The following FRMPD2 variants were observed in gnomAD, a reference collection of about 807,000 sequenced individuals.
FRMPD2 encodes FERM and PDZ domain containing 2, also known as FERM and PDZ domain-containing protein 2.
A neutral mutation model predicts 140.1 loss-of-function variants in FRMPD2; 96 were observed. That is an observed-to-expected ratio of 0.69 (90% CI 0.58 to 0.81). FRMPD2 has a LOEUF of 0.81. Ranked by LOEUF, FRMPD2 falls within the 40% of genes least tolerant of loss-of-function variation. The pLI is 0.00. For missense variants in FRMPD2, 1,240 were observed against 1,447.4 expected, an observed-to-expected ratio of 0.86 and a Z score of 2.32; for synonymous variants, 449 against 547.6, an observed-to-expected ratio of 0.82 and a Z score of 2.52.
rs372969763 is a variant in FRMPD2, at chr10:48,219,680, T to A, written c.1455+2633A>T. 8.5e-5 allele frequency among the ~76,000 whole-genome samples: 13 copies of A among 152,298 alleles called. No individual in the cohort carries two copies. The East Asian group carries it at 2.3e-3, about 27-fold the overall frequency. On this transcript the variant is annotated intron_variant, in intron 12 of 28. Transcript: ENST00000374201. ...TTGTGTCCCCATTTTAAATCATAAT[T>A]AGGTAGGTAAATACATTAGCATAAT...
intron 5 of FRMPD2, 128 bp from the exon 6 acceptor site, chr10:48,240,620 G>A (rs1332504218): frequency 1.6e-6 from 2 of 1,281,008 alleles, no homozygotes; most frequent in Non-Finnish European, 2.2e-6. Flanking sequence ...ACCTAAAGAT[G>A]TGTTCTCTGG....
chr10:48,228,017 A>G (rs1839765843), intron 10 of FRMPD2, among the ~76,000 whole-genome samples: 2 of 152,212 alleles, frequency 1.3e-5, no homozygotes, highest in Non-Finnish European at 2.9e-5. Flanking sequence ...TAACCTAAGA[A>G]TAAAACATAC....
intron 13 of FRMPD2, among the ~76,000 whole-genome samples, chr10:48,210,938 A>G (rs770349382): frequency 6.6e-6 from 1 of 152,262 alleles, no homozygotes; most frequent in Non-Finnish European, 1.5e-5. Context: ...CAAATGGCCC[A>G]GCTTGTATCC....
intron 13 of FRMPD2, among the ~76,000 whole-genome samples, chr10:48,207,716 G>C (rs1487018659): frequency 6.6e-6 from 1 of 152,122 alleles, no homozygotes; most frequent in Admixed American, 6.5e-5. Context: ...GTGTCTCTGG[G>C]ACCCACAGCA....
At chr10:48,248,010 T>C (rs10508900) in intron 3 of FRMPD2, among the ~76,000 whole-genome samples, 4,867 of 152,270 alleles carry the variant, frequency 0.032, 95 homozygotes, top group Non-Finnish European at 0.043. Context: ...TGGGCTGACT[T>C]ACAGACATGT....
At chr10:48,243,784 G>A (rs1002663172) in intron 4 of FRMPD2, among the ~76,000 whole-genome samples, 3 of 152,126 alleles carry the variant, frequency 2.0e-5, no homozygotes, top group African/African-American at 7.2e-5. Flanking sequence ...GAGAGGGTCG[G>A]GGTGAGTAGA....
intron 28 of FRMPD2, among the ~76,000 whole-genome samples, chr10:48,162,132 G>A (rs1837958376): frequency 2.0e-5 from 3 of 149,246 alleles, no homozygotes; most frequent in South Asian, 4.2e-4. Flanking sequence ...ATTTTATCAA[G>A]TATGTCAATT....
At chr10:48,180,576 AC>A (rs1263711296) in intron 21 of FRMPD2, among the ~76,000 whole-genome samples, 1 of 151,692 alleles carries the variant, frequency 6.6e-6, no homozygotes, top group Non-Finnish European at 1.5e-5. Context: ...GTGCCCAGAC[AC>A]TGTCCTAGAA....
intron 15 of FRMPD2, among the ~76,000 whole-genome samples, chr10:48,194,730 C>T (rs1159439912): frequency 6.6e-6 from 1 of 152,088 alleles, no homozygotes; most frequent in Middle Eastern, 3.2e-3. Flanking sequence ...GGAAATGAGA[C>T]CCTGGGTGTC....
chr10:48,244,754 G>A lies in FRMPD2; in HGVS notation c.375+30C>T, dbSNP rs146793659. Reference sequence around the variant, plus strand: ...CTAAATAAACCCAGAGACACAGCCCGGCAAGACTTGGAGTATCTTGTTTAC... The same window carrying A: ...CTAAATAAACCCAGAGACACAGCCCAGCAAGACTTGGAGTATCTTGTTTAC... On this transcript the variant is annotated intron_variant, in intron 4 of 28. Coordinates refer to ENST00000374201, the MANE Select transcript of FRMPD2 (RefSeq NM_001018071.4). 1,198 of 1,570,414 alleles carry A rather than the reference G, an allele frequency of 7.6e-4. 5 individuals carry two copies. The African/African-American group carries it at 0.013, about 17-fold the overall frequency.
intron 4 of FRMPD2, among the ~76,000 whole-genome samples, chr10:48,243,906 T>C (rs921310250): frequency 2.0e-5 from 3 of 152,210 alleles, no homozygotes; most frequent in Non-Finnish European, 4.4e-5. Context: ...GGAATTGTTA[T>C]AGTATCAGAT....
chr10:48,212,904 G>C (rs1030021472), intron 12 of FRMPD2, among the ~76,000 whole-genome samples: 3 of 152,182 alleles, frequency 2.0e-5, no homozygotes, highest in African/African-American at 7.2e-5. Flanking sequence ...TACAGAATGA[G>C]GAATGCAGGA....
At position 48,192,691 on chromosome 10, in the gene FRMPD2, C is replaced by G. The variant is rs115774076; in HGVS notation, c.2158G>C (p.Gly720Arg). The change falls in exon 16 of 29, where the codon GGG (glycine) becomes CGG (arginine). Residue 720 changes from glycine (G) to arginine (R), a missense_variant. Physicochemically the swap from Gly to Arg is moderately radical, Grantham distance 125. Around this residue, in one of 6 missense-constraint regions of FRMPD2, gnomAD observed 1,161 missense variants for 1,055.9 expected, o/e 1.10. Transcript: ENST00000374201. ...GSKEAGAEGI[G>R]RSPCTGREQL... is the part of the protein sequence containing the mutation. ...CAAATGTGTCACACCCACCTGCGCC[C>G]GATGCCTTCTGCTCCAGCCTCCTTG... 7 of 1,613,862 alleles carry G rather than the reference C, an allele frequency of 4.3e-6. No individual in the cohort carries two copies. The highest frequency in any genetic ancestry group is 4.2e-6 in the Non-Finnish European group (5 of 1,179,986).
In FRMPD2 at chr10:48,242,253, G is replaced by A. The variant is rs755321982; in HGVS notation, c.475C>T (p.Arg159Trp). 2.9e-5 allele frequency: 46 copies of A among 1,613,974 alleles called. No homozygotes were observed. Among genetic ancestry groups the A allele is most frequent in the Non-Finnish European group, 3.5e-5 (41 of 1,180,022 alleles). ...CTLQSVLEAC[R>W]VHEKEVSVYP... ...ACAGACACTTCTTTCTCATGAACCC[G>A]ACAAGCTTCCAGAACCGACTGCAAC... is the stretch of plus-strand genomic sequence containing the variant. The change falls in exon 5 of 29, where the codon CGG becomes TGG. Residue 159 changes from arginine to tryptophan, a missense_variant. Arg to Trp is a moderately radical substitution (Grantham distance 101, BLOSUM62 -3). Transcript: ENST00000374201.
intron 20 of FRMPD2, among the ~76,000 whole-genome samples, chr10:48,183,729 G>A (rs1247800553): frequency 2.0e-5 from 3 of 151,772 alleles, no homozygotes; most frequent in East Asian, 1.9e-4. Flanking sequence ...GCGCGTGCCT[G>A]TAATCCCAGC....
chr10:48,253,199 A>C (rs1175028577), intron 1 of FRMPD2, among the ~76,000 whole-genome samples: 2 of 152,248 alleles, frequency 1.3e-5, no homozygotes, highest in Non-Finnish European at 2.9e-5. Context: ...CAGTACAATA[A>C]TTCAATGGAG....
chr10:48,260,172 T>C (rs891599346), intron 1 of FRMPD2, among the ~76,000 whole-genome samples: 4 of 151,952 alleles, frequency 2.6e-5, no homozygotes, highest in African/African-American at 9.7e-5. Context: ...GATAGATAGA[T>C]AGATCTATAT....
intron 14 of FRMPD2, among the ~76,000 whole-genome samples, chr10:48,205,423 G>A (rs1168971410): frequency 4.6e-5 from 7 of 152,122 alleles, no homozygotes; most frequent in African/African-American, 1.2e-4. Flanking sequence ...GGGGACTGTC[G>A]AGCTTTACAG....
At position 48,163,638 on chromosome 10, in the gene FRMPD2, TG is replaced by T; in HGVS notation, c.3570del (p.Arg1191GlyfsTer59). On this transcript the variant is annotated frameshift_variant, in exon 28 of 29. Transcript: ENST00000374201. LOFTEE classifies it high-confidence loss of function. ...TPELSADKEFTRATCTDSCTS... is the reference protein window; with the variant it reads ...TPELSADKEFXRATCTDSCTS... ...GTACATGAGTCAGTACATGTTGCCC[TG>T]GTGAATTCTTTGTCAGCTGAGAGTT... 1.4e-6 allele frequency: 2 copies of T among 1,468,530 alleles called. No individual in the cohort carries two copies. Among genetic ancestry groups the T allele is most frequent in the Non-Finnish European group, 1.9e-6 (2 of 1,051,160 alleles). 91.0% of individuals were successfully genotyped at this position (1,468,530 alleles called of 1,614,324 possible).
Sources: allele counts gnomAD v4.1 joint callset (sites outside exome capture counted in the v4.1 genomes callset), GRCh38; gene constraint gnomAD v4.1.1; regional missense constraint gnomAD v4.1.1; transcripts MANE v1.5; gene names NCBI Gene and HGNC (gene_info 2026-07-23, HGNC 2026-07-21).